The following SPATC1L variants were observed in gnomAD, a reference collection of about 807,000 sequenced individuals.
SPATC1L encodes spermatogenesis and centriole associated 1 like.
In SPATC1L, 20 loss-of-function variants were observed where a neutral mutation model predicts 21.2. The observed-to-expected ratio is 0.94, with a 90% CI of 0.66 to 1.37. The LOEUF (loss-of-function observed/expected upper bound fraction) is 1.37, where lower values mean the gene tolerates loss of function less well. SPATC1L is among the 40% of genes most tolerant of loss of function. The probability of loss-of-function intolerance (pLI) is 0.00; values close to 1 mark genes in which losing one functional copy is unlikely to be tolerated. For synonymous variants in SPATC1L, 290 were observed against 234.5 expected (o/e 1.24, Z -2.16); for missense variants, 499 against 478.7 (o/e 1.04, Z -0.40).
In SPATC1L at chr21:46,167,041, A is replaced by C. The variant is rs542706422; in HGVS notation, c.544+1267T>G. Among the ~76,000 whole-genome samples, 17 of 152,346 alleles carry C rather than the reference A, an allele frequency of 1.1e-4. No homozygotes were observed. The South Asian group carries it at 3.5e-3, about 32-fold the overall frequency. On this transcript the variant is annotated intron_variant, in intron 3 of 4. Transcript: ENST00000291672. The stretch of plus-strand genomic sequence containing the variant: ...ATGCTAGGCTGCAAAACAAGTCTTT[A>C]AAAATCAAAAAAATTGAAATTATAT...
Position 46,165,661 on chromosome 21 carries a change from C to G in SPATC1L, c.544+2647G>C, listed in dbSNP as rs535624216. ...TGAGGAGTCCTTTCCCTCCTCCTAG[C>G]CTCTCCTATAGAAGCCTTCTGACTT... On this transcript the variant is annotated intron_variant, in intron 3 of 4. Transcript: ENST00000291672. Among the ~76,000 whole-genome samples the G allele has an allele frequency of 3.3e-5, 5 of 151,862 alleles. 1 individual carries two copies. Among genetic ancestry groups the G allele is most frequent in the Admixed American group, 3.3e-4 (5 of 15,252 alleles).
In SPATC1L at chr21:46,168,493, G is replaced by T. The variant is rs1279076652; in HGVS notation, c.359C>A (p.Pro120His). The change falls in exon 3 of 5, where the codon CCC (proline) becomes CAC (histidine). Residue 120 changes from proline to histidine, a missense_variant. Transcript: ENST00000291672. ...SQAPFKAFLSPPEPHSHRGTD... is the reference protein window; with the variant it reads ...SQAPFKAFLSHPEPHSHRGTD... ...GCCTCGGTGGCTATGTGGCTCTGGG[G>T]GACTGAGGAAGGCCTTGAAGGGTGC... The T allele has an allele frequency of 6.4e-7, 1 of 1,564,270 alleles. No homozygotes were observed. The highest frequency in any genetic ancestry group is 1.4e-5 in the African/African-American group (1 of 73,662).
chr21:46,170,838 CT>C, intron 2 of SPATC1L, among the ~76,000 whole-genome samples: 1 of 138,568 alleles, frequency 7.2e-6, no homozygotes, highest in South Asian at 2.2e-4. Context: ...AGGAGCCTCC[CT>C]GCTCTGTGAG....
intron 3 of SPATC1L, 147 bp downstream of exon 3, chr21:46,168,161 G>C: frequency 1.9e-6 from 1 of 523,242 alleles, no homozygotes; most frequent in Non-Finnish European, 3.4e-6. Context: ...CACAGCCTTG[G>C]ACCCCAGCCT....
At chr21:46,174,353 A>C (rs1157882297) in intron 2 of SPATC1L, among the ~76,000 whole-genome samples, 11 of 151,466 alleles carry the variant, frequency 7.3e-5, no homozygotes, top group African/African-American at 2.7e-4. Context: ...ACAAAAAAAA[A>C]AAAAAAACAG....
chr21:46,165,554 A>C, intron 3 of SPATC1L, among the ~76,000 whole-genome samples: 5 of 123,196 alleles, frequency 4.1e-5, no homozygotes, highest in African/African-American at 1.3e-4. Flanking sequence ...AAGCCTTCTG[A>C]CTTAGATATG....
intron 2 of SPATC1L, among the ~76,000 whole-genome samples, chr21:46,171,360 T>C (rs2079588588): frequency 6.6e-6 from 1 of 151,030 alleles, no homozygotes; most frequent in Non-Finnish European, 1.5e-5. Flanking sequence ...ATGTGCCTAC[T>C]GGAGCTTGCA....
chr21:46,180,953 C>A (rs549415600), intron 2 of SPATC1L, among the ~76,000 whole-genome samples: 1 of 152,330 alleles, frequency 6.6e-6, no homozygotes, highest in East Asian at 1.9e-4. Flanking sequence ...GAGACCCCGC[C>A]CGGACTCAGC....
chr21:46,184,113 C>T (rs2079705101), intron 1 of SPATC1L, among the ~76,000 whole-genome samples: 1 of 152,156 alleles, frequency 6.6e-6, no homozygotes, highest in Admixed American at 6.5e-5. Flanking sequence ...AAGGGTCCAG[C>T]AGTGCATGTC....
intron 2 of SPATC1L, among the ~76,000 whole-genome samples, chr21:46,172,294 C>A (rs1169521597): frequency 1.3e-5 from 2 of 151,928 alleles, no homozygotes; most frequent in African/African-American, 2.4e-5. Flanking sequence ...GTGTGCAGAG[C>A]ACGAGGCGGT....
intron 3 of SPATC1L, among the ~76,000 whole-genome samples, chr21:46,167,763 T>G (rs1367062566): frequency 6.6e-6 from 1 of 152,164 alleles, no homozygotes; most frequent in Non-Finnish European, 1.5e-5. Flanking sequence ...CAGGTGGATA[T>G]CTACATGCAA....
intron 2 of SPATC1L, among the ~76,000 whole-genome samples, chr21:46,168,936 C>T (rs1010505683): frequency 1.3e-5 from 2 of 152,168 alleles, no homozygotes; most frequent in African/African-American, 2.4e-5. Flanking sequence ...CTCCTGCCTG[C>T]CTGTGTGCCC....
chr21:46,176,857 C>A (rs979576248), intron 2 of SPATC1L, among the ~76,000 whole-genome samples: 1 of 152,176 alleles, frequency 6.6e-6, no homozygotes, highest in Non-Finnish European at 1.5e-5. Context: ...AAGCTGGAGG[C>A]ATCACACTAC....
intron 2 of SPATC1L, 81 bp from the exon 3 acceptor site, chr21:46,168,739 A>C: frequency 7.0e-6 from 6 of 855,456 alleles, no homozygotes; most frequent in African/African-American, 1.7e-5. Context: ...CATGTTAACA[A>C]CCCCTATGCA....
At chr21:46,172,163 G>T (rs2330406) in intron 2 of SPATC1L, among the ~76,000 whole-genome samples, 2 of 112,406 alleles carry the variant, frequency 1.8e-5, no homozygotes, top group East Asian at 4.8e-4. Context: ...AGAGCGTGAG[G>T]CGGGGGATGC....
intron 2 of SPATC1L, among the ~76,000 whole-genome samples, chr21:46,179,089 A>AG (rs2079653150): frequency 2.4e-5 from 3 of 123,142 alleles, no homozygotes; most frequent in Admixed American, 7.5e-5. Flanking sequence ...AAAAAAAAAA[A>AG]AATTTTTAAC....
intron 2 of SPATC1L, 84 bp downstream of exon 2, chr21:46,182,540 C>A (rs2079682407): frequency 7.7e-7 from 1 of 1,297,132 alleles, no homozygotes; most frequent in Non-Finnish European, 1.0e-6. Context: ...CATCAGGGAG[C>A]TGGCCGCCAC....
chr21:46,176,352 T>G (rs564122241), intron 2 of SPATC1L, among the ~76,000 whole-genome samples: 13 of 152,300 alleles, frequency 8.5e-5, no homozygotes, highest in African/African-American at 2.6e-4. Context: ...TATCCCTGTT[T>G]GCAGATGACA....
Position 46,173,285 on chromosome 21 carries a change from G to A in SPATC1L, c.194-4627C>T, listed in dbSNP as rs149088719. ...TTGCAGGGCAGTCTTGGGTGCCCTGGGGGTCTTCACCATAGCTTCTGTGCC... is the reference window on the plus strand; with the variant it reads ...TTGCAGGGCAGTCTTGGGTGCCCTGAGGGTCTTCACCATAGCTTCTGTGCC... On this transcript the variant is annotated intron_variant, in intron 2 of 4. Coordinates refer to ENST00000291672, the MANE Select transcript of SPATC1L (RefSeq NM_001142854.2). 4.3e-4 allele frequency among the ~76,000 whole-genome samples: 65 copies of A among 152,232 alleles called. No individual in the cohort carries two copies. In the East Asian group the frequency reaches 0.012, roughly 29 times the overall value.
Sources: gnomAD v4.1 joint callset for allele counts (sites outside exome capture counted in the v4.1 genomes callset) on GRCh38, gnomAD v4.1.1 for gene constraint, MANE v1.5 for transcripts, NCBI Gene and HGNC (gene_info 2026-07-23, HGNC 2026-07-21) for gene names.